The following PHC3 variants were observed in gnomAD, a reference collection of about 807,000 sequenced individuals.
PHC3 encodes polyhomeotic-like protein 3.
Under a neutral mutation model 107.4 loss-of-function variants are expected in PHC3, and 13 were observed. That is an observed-to-expected ratio of 0.12 (90% CI 0.08 to 0.19). The LOEUF (loss-of-function observed/expected upper bound fraction) is 0.19. Among genes scored for constraint, PHC3 ranks in the 10% least tolerant of loss-of-function variants. PHC3 has a pLI of 1.00. For synonymous variants in PHC3, 456 were observed against 427.4 expected (o/e 1.07, Z -0.83); for missense variants, 992 against 1,210.9 (o/e 0.82, Z 2.68).
At chr3:170,145,616 G>A in intron 5 of PHC3, 95 bp from the exon 6 acceptor site, 2 of 755,592 alleles carry the variant, frequency 2.6e-6, no homozygotes, top group Non-Finnish European at 4.2e-6. Flanking sequence ...ATTTGTGACA[G>A]AAAGACAATG....
At chr3:170,159,613 A>G (rs914631194) in intron 4 of PHC3, among the ~76,000 whole-genome samples, 1 of 152,170 alleles carries the variant, frequency 6.6e-6, no homozygotes, top group Non-Finnish European at 1.5e-5. Context: ...AACAAAATTA[A>G]CTTCTTGCAG....
intron 12 of PHC3, among the ~76,000 whole-genome samples, chr3:170,104,392 A>T (rs1031076526): frequency 6.6e-6 from 1 of 152,180 alleles, no homozygotes; most frequent in Non-Finnish European, 1.5e-5. Context: ...GGAAAAATAT[A>T]TGCAGTTTCA....
chr3:170,102,282 G>A (rs1715623712), intron 14 of PHC3, 197 bp downstream of exon 14: 3 of 985,316 alleles, frequency 3.0e-6, no homozygotes, highest in Non-Finnish European at 3.6e-6. Context: ...CGACTTGGGG[G>A]GTATGAGAAA....
chr3:170,118,713 C>T (rs577742042), intron 9 of PHC3, among the ~76,000 whole-genome samples: 1 of 152,130 alleles, frequency 6.6e-6, no homozygotes, highest in South Asian at 2.1e-4. Flanking sequence ...CCATGCCTGG[C>T]TGCCTGGATA....
chr3:170,111,300 AG>A (rs1717626920), intron 11 of PHC3, among the ~76,000 whole-genome samples: 1 of 144,982 alleles, frequency 6.9e-6, no homozygotes. Context: ...GAAGGAAGGA[AG>A]GAAGGAAGGA....
chr3:170,142,342 C>T (rs187173259), intron 6 of PHC3, among the ~76,000 whole-genome samples: 5 of 152,144 alleles, frequency 3.3e-5, no homozygotes, highest in African/African-American at 4.8e-5. Flanking sequence ...GATTCCGGCT[C>T]CAAAGTCCGT....
intron 2 of PHC3, chr3:170,176,811 C>T (rs1434574231): frequency 2.3e-6 from 1 of 426,792 alleles, no homozygotes; most frequent in Non-Finnish European, 4.7e-6. Flanking sequence ...CTTCATTAAT[C>T]TCAAAGATAC....
chr3:170,117,781 TGAG>T (rs1479644792), intron 9 of PHC3, among the ~76,000 whole-genome samples: 1 of 149,524 alleles, frequency 6.7e-6, no homozygotes, highest in Non-Finnish European at 1.5e-5. Flanking sequence ...GTGGATCACC[TGAG>T]GAGAATTCGA....
intron 4 of PHC3, among the ~76,000 whole-genome samples, chr3:170,158,511 A>G (rs1577206719): frequency 6.6e-6 from 1 of 152,078 alleles, no homozygotes; most frequent in Non-Finnish European, 1.5e-5. Flanking sequence ...CTGAGGCAGG[A>G]GAAATCGCTT....
chr3:170,099,151 G>GAA (rs1239808693), intron 14 of PHC3, among the ~76,000 whole-genome samples: 2 of 152,182 alleles, frequency 1.3e-5, no homozygotes, highest in African/African-American at 4.8e-5. Flanking sequence ...TTTGGGAATA[G>GAA]AAACAAGGAG....
In PHC3 at chr3:170,097,108, A is replaced by T. The variant is rs920066376; in HGVS notation, c.*122T>A. The T allele has an allele frequency of 5.0e-6, 4 of 795,998 alleles. No individual in the cohort carries two copies. Among genetic ancestry groups the T allele is most frequent in the Non-Finnish European group, 7.4e-6 (4 of 539,386 alleles). 49.3% of individuals were successfully genotyped at this position (795,998 alleles called of 1,614,324 possible). A position where few individuals can be genotyped will look rare whatever the true frequency, so the allele number is the denominator to read the frequency against. On this transcript the variant is annotated 3_prime_UTR_variant, in exon 15 of 15. Coordinates refer to ENST00000495893, the MANE Select transcript of PHC3 (RefSeq NM_024947.4). This position sits in a 1 kb window ranked among gnomAD's most constrained non-coding sequence, Gnocchi z 4.1. ...AGAAATGTCAGTATTTGATGTGGAG[A>T]TCCCAATGTGCTTGGCTATCCACCA... is the stretch of plus-strand genomic sequence containing the variant.
intron 14 of PHC3, among the ~76,000 whole-genome samples, chr3:170,099,902 G>A (rs1715202398): frequency 6.6e-6 from 1 of 152,158 alleles, no homozygotes; most frequent in African/African-American, 2.4e-5. Context: ...AATAAACAGA[G>A]GACAAACTGA....
At chr3:170,144,672 A>G (rs1724665914) in intron 6 of PHC3, among the ~76,000 whole-genome samples, 1 of 152,132 alleles carries the variant, frequency 6.6e-6, no homozygotes, top group Admixed American at 6.6e-5. Flanking sequence ...CATTTCAGCC[A>G]TTCTAGTGAG....
chr3:170,172,263 G>A (rs1729708744), intron 3 of PHC3, among the ~76,000 whole-genome samples: 1 of 151,840 alleles, frequency 6.6e-6, no homozygotes, highest in Non-Finnish European at 1.5e-5. Context: ...TACAATTTAT[G>A]TAAGCCTAAG....
rs57137783 is a variant in PHC3 at position 170,140,584 on chromosome 3, C to CTTTTT, written c.673-3924_673-3920dup. On this transcript the variant is annotated intron_variant, in intron 6 of 14. Coordinates refer to ENST00000495893, the MANE Select transcript of PHC3 (RefSeq NM_024947.4). ...TCAGAGTTCTTACTCATTTCTTTTT[C>CTTTTT]TTTTTTTTTTTTTTTTTTTTTTTTT... Among the ~76,000 whole-genome samples the CTTTTT allele has an allele frequency of 7.2e-4, 50 of 69,624 alleles. 1 individual carries two copies. Among genetic ancestry groups the CTTTTT allele is most frequent in the East Asian group, 1.0e-3 (2 of 1,950 alleles). 45.7% of individuals were successfully genotyped at this position (69,624 alleles called of 152,430 possible). A position where few individuals can be genotyped will look rare whatever the true frequency, so the allele number is the denominator to read the frequency against.
intron 2 of PHC3, among the ~76,000 whole-genome samples, chr3:170,176,540 G>C (rs1171970026): frequency 6.6e-6 from 1 of 152,154 alleles, no homozygotes; most frequent in African/African-American, 2.4e-5. Flanking sequence ...AGAATTCACA[G>C]AGTGGTTAAG....
rs1009167451 is a variant in PHC3, at chr3:170,090,498, C to T, written c.*6732G>A. ...TATTCAGTGGTTAACCAATAAGGAGCATTTAGGAAAATGTCATCATTTGCT... is the reference window on the plus strand; with the variant it reads ...TATTCAGTGGTTAACCAATAAGGAGTATTTAGGAAAATGTCATCATTTGCT... On this transcript the variant is annotated 3_prime_UTR_variant, in exon 15 of 15. Transcript: ENST00000495893. 6.6e-6 allele frequency: 1 copy of T among 152,020 alleles called. No homozygotes were observed. Among genetic ancestry groups the T allele is most frequent in the African/African-American group, 2.4e-5 (1 of 41,368 alleles). The allele number at this position is 152,020 out of a possible 1,614,324, so 9.4% of individuals were successfully genotyped here.
chr3:170,118,653 C>T (rs957971762), intron 9 of PHC3, among the ~76,000 whole-genome samples: 4 of 152,068 alleles, frequency 2.6e-5, no homozygotes, highest in African/African-American at 4.8e-5. Context: ...CCTTGTGATC[C>T]ACCCGCCTCG....
At chr3:170,147,429 A>C (rs964252962) in intron 5 of PHC3, 1 of 152,140 alleles carries the variant, frequency 6.6e-6, no homozygotes, top group African/African-American at 2.4e-5. Flanking sequence ...ATTCAACAAC[A>C]AAGTACAATG....
Sources: gnomAD v4.1 joint callset for allele counts (sites outside exome capture counted in the v4.1 genomes callset) on GRCh38, gnomAD v4.1.1 for gene constraint, Gnocchi (gnomAD v3.1) non-coding constraint, MANE v1.5 for transcripts, NCBI Gene and HGNC (gene_info 2026-07-23, HGNC 2026-07-21) for gene names.